Variants in SLIT2 observed in about 807,000 individuals in gnomAD.
SLIT2 encodes slit homolog 2 protein.
In SLIT2, 41 loss-of-function variants were observed where a neutral mutation model predicts 185.7. That is an observed-to-expected ratio of 0.22 (90% CI 0.17 to 0.29). SLIT2 has a LOEUF of 0.29. Among genes scored for constraint, SLIT2 ranks in the 10% least tolerant of loss-of-function variants. SLIT2 has a pLI of 1.00. For missense variants in SLIT2, 1,571 were observed against 1,909.0 expected (o/e 0.82, Z 3.30); for synonymous variants, 693 against 680.2 (o/e 1.02, Z -0.29).
rs189663892 is a variant in SLIT2 at position 20,593,343 on chromosome 4, T to C, written c.3183-2354T>C. ...AGATTAAGTAATTTAGTCAGTATTATATATACTTTATGCTAAGTGAAATAG... is the reference window on the plus strand; with the variant it reads ...AGATTAAGTAATTTAGTCAGTATTACATATACTTTATGCTAAGTGAAATAG... On this transcript the variant is annotated intron_variant, in intron 30 of 36. Coordinates refer to ENST00000504154, the MANE Select transcript of SLIT2 (RefSeq NM_004787.4). Among the ~76,000 whole-genome samples the C allele has an allele frequency of 2.8e-3, 424 of 152,252 alleles. 3 individuals carry two copies. The highest frequency in any genetic ancestry group is 9.5e-3 in the African/African-American group (393 of 41,572).
At chr4:20,441,243 A>G (rs1441893901) in intron 4 of SLIT2, among the ~76,000 whole-genome samples, 2 of 152,192 alleles carry the variant, frequency 1.3e-5, no homozygotes, top group African/African-American at 4.8e-5. Context: ...TGGATTTTAT[A>G]TCATTCACTG....
At chr4:20,560,539 C>T (rs551382554) in intron 26 of SLIT2, among the ~76,000 whole-genome samples, 6 of 151,850 alleles carry the variant, frequency 4.0e-5, no homozygotes, top group Admixed American at 6.6e-5. Flanking sequence ...TATAAGATGA[C>T]GTTAGAGTGA....
chr4:20,358,667 A>G (rs1722520415), intron 4 of SLIT2, among the ~76,000 whole-genome samples: 1 of 151,956 alleles, frequency 6.6e-6, no homozygotes, highest in Non-Finnish European at 1.5e-5. Context: ...AGTTTGACAA[A>G]CTCATGCACC....
At chr4:20,531,025 A>G (rs1721760138) in intron 16 of SLIT2, among the ~76,000 whole-genome samples, 1 of 152,042 alleles carries the variant, frequency 6.6e-6, no homozygotes, top group African/African-American at 2.4e-5. Flanking sequence ...AAACCCTCAT[A>G]CATTGCTGGT....
At chr4:20,456,954 T>C (rs2148722870) in intron 4 of SLIT2, among the ~76,000 whole-genome samples, 1 of 152,122 alleles carries the variant, frequency 6.6e-6, no homozygotes, top group East Asian at 1.9e-4. Context: ...ATTTGGATCA[T>C]GAAAAAAAAT....
intron 11 of SLIT2, among the ~76,000 whole-genome samples, chr4:20,518,196 CATAT>C (rs1419956552): frequency 7.4e-6 from 1 of 135,998 alleles, no homozygotes; most frequent in Non-Finnish European, 1.5e-5. Context: ...CATATACATA[CATAT>C]ACATATATTT....
chr4:20,272,995 G>T (rs551593858), intron 4 of SLIT2, among the ~76,000 whole-genome samples: 48 of 152,026 alleles, frequency 3.2e-4, no homozygotes, highest in Non-Finnish European at 6.6e-4. Flanking sequence ...AATTTCATTG[G>T]CCAGGTCATA....
At chr4:20,388,982 ATATG>A (rs1320526316) in intron 4 of SLIT2, among the ~76,000 whole-genome samples, 1 of 147,946 alleles carries the variant, frequency 6.8e-6, no homozygotes, top group Admixed American at 6.8e-5. Context: ...CAAAATATAT[ATATG>A]TATATAGGAG....
Position 20,528,959 on chromosome 4 carries a change from T to C in SLIT2, c.1473T>C (p.Asp491=). 1.9e-6 allele frequency: 3 copies of C among 1,613,760 alleles called. No individual in the cohort carries two copies. The highest frequency in any genetic ancestry group is 2.5e-6 in the Non-Finnish European group (3 of 1,179,746). ...KEQYFIPGTE[D]YRSKLSGDCF... is the part of the protein sequence containing the mutation. The stretch of plus-strand genomic sequence containing the variant: ...TTGAATTCTCAATAGGTACAGAAGA[T>C]TATCGATCAAAATTAAGTGGAGACT... Residue 491 remains aspartate, a synonymous_variant, in exon 16 of 37, where the codon GAT becomes GAC. Transcript: ENST00000504154. The surrounding 1 kb of genome is among the most constrained non-coding windows in gnomAD (Gnocchi z 4.2).
At chr4:20,362,669 A>G (rs998090224) in intron 4 of SLIT2, among the ~76,000 whole-genome samples, 5 of 151,774 alleles carry the variant, frequency 3.3e-5, no homozygotes, top group African/African-American at 1.2e-4. Context: ...TTGCATAAAT[A>G]TGTTTATTCA....
At chr4:20,456,259 A>C (rs1460446411) in intron 4 of SLIT2, among the ~76,000 whole-genome samples, 12 of 152,108 alleles carry the variant, frequency 7.9e-5, no homozygotes, top group Admixed American at 7.9e-4. Flanking sequence ...GAATCCCAAC[A>C]CAACCTCTTT....
chr4:20,289,177 A>T (rs1218547666), intron 4 of SLIT2, among the ~76,000 whole-genome samples: 1 of 152,094 alleles, frequency 6.6e-6, no homozygotes, highest in African/African-American at 2.4e-5. Context: ...ATTTCATCTG[A>T]TTTTTGCCAC....
chr4:20,349,277 A>G (rs1283135007), intron 4 of SLIT2, among the ~76,000 whole-genome samples: 1 of 152,206 alleles, frequency 6.6e-6, no homozygotes, highest in African/African-American at 2.4e-5. Context: ...GCTGTTTGAT[A>G]AAATAATACA....
chr4:20,502,519 A>G (rs1366846381), intron 9 of SLIT2, among the ~76,000 whole-genome samples: 2 of 152,208 alleles, frequency 1.3e-5, no homozygotes. Context: ...GATAAATAGT[A>G]AAATATGTGT....
chr4:20,401,114 A>G lies in SLIT2; in HGVS notation c.396-66638A>G, dbSNP rs188647079. ...TGGTCTTTCATCATTATTCTCATCC[A>G]TCATCTTCTGACTAAGGATAGAATT... On this transcript the variant is annotated intron_variant, in intron 4 of 36. Transcript: ENST00000504154. Among the ~76,000 whole-genome samples, 497 of 151,972 alleles carry G rather than the reference A, an allele frequency of 3.3e-3. 4 individuals carry two copies. Among genetic ancestry groups the G allele is most frequent in the Admixed American group, 4.3e-3 (66 of 15,216 alleles).
chr4:20,606,690 A>G (rs1033146266), intron 33 of SLIT2, among the ~76,000 whole-genome samples: 1 of 152,220 alleles, frequency 6.6e-6, no homozygotes, highest in Non-Finnish European at 1.5e-5. Flanking sequence ...AATCTCACTC[A>G]TAATTGGGAA....
chr4:20,317,647 A>G (rs1718716354), intron 4 of SLIT2, among the ~76,000 whole-genome samples: 1 of 152,002 alleles, frequency 6.6e-6, no homozygotes, highest in South Asian at 2.1e-4. Flanking sequence ...GGAATAAATG[A>G]TCCTTGTCAA....
In SLIT2 at chr4:20,251,945, C is replaced by T. The variant is rs560928272; in HGVS notation, c.-1871C>T. 1.6e-4 allele frequency among the ~76,000 whole-genome samples: 25 copies of T among 152,206 alleles called. No homozygotes were observed. The highest frequency in any genetic ancestry group is 6.2e-4 in the South Asian group (3 of 4,826). Reference sequence around the variant, plus strand: ...TTTGGGAAGCGCCCGGACGGCGGAGCTTGGCGGCGGCGGTGGTGGTGGCTG... The same window carrying T: ...TTTGGGAAGCGCCCGGACGGCGGAGTTTGGCGGCGGCGGTGGTGGTGGCTG... On this transcript the variant is annotated 5_prime_UTR_variant, in exon 1 of 37. Transcript: ENST00000504154.
At chr4:20,473,649 TCA>T (rs915474742) in intron 5 of SLIT2, among the ~76,000 whole-genome samples, 18 of 152,024 alleles carry the variant, frequency 1.2e-4, no homozygotes, top group Non-Finnish European at 1.3e-4. Context: ...GAAGGAAAAC[TCA>T]CAGTTCTATC....
Sources: allele counts gnomAD v4.1 joint callset (sites outside exome capture counted in the v4.1 genomes callset), GRCh38; gene constraint gnomAD v4.1.1; non-coding constraint Gnocchi (gnomAD v3.1); transcripts MANE v1.5; gene names NCBI Gene and HGNC (gene_info 2026-07-23, HGNC 2026-07-21).